The following BPGM variants were observed in gnomAD, a reference collection of about 807,000 sequenced individuals.
The protein encoded by BPGM is 2,3-bisphosphoglycerate mutase, erythrocyte.
A neutral mutation model predicts 21.6 loss-of-function variants in BPGM; 15 were observed. The ratio of observed to expected loss-of-function variants is 0.70; its 90% CI spans 0.47 to 1.07. The LOEUF (loss-of-function observed/expected upper bound fraction) is 1.07, where lower values mean the gene tolerates loss of function less well. BPGM is among the 50% of genes least tolerant of loss of function. BPGM has a pLI of 0.00. For missense variants in BPGM, 273 were observed against 319.0 expected, an observed-to-expected ratio of 0.86 and a Z score of 1.10; for synonymous variants, 113 against 116.2, an observed-to-expected ratio of 0.97 and a Z score of 0.18.
At chr7:134,648,132 G>GTTTTTTTTTTTTTTTTT (rs1037270275) in intron 1 of BPGM, among the ~76,000 whole-genome samples, 1 of 144,192 alleles carries the variant, frequency 6.9e-6, no homozygotes, top group East Asian at 2.0e-4. Context: ...TTTTGTTTTG[G>GTTTTTTTTTTTTTTTTT]TTTTTTTTTT....
chr7:134,648,104 T>C (rs1648662452), intron 1 of BPGM, among the ~76,000 whole-genome samples: 2 of 147,972 alleles, frequency 1.4e-5, no homozygotes, highest in African/African-American at 5.0e-5. Context: ...GGCCTTGTCT[T>C]TTTTCTTTCT....
chr7:134,676,773 C>G (rs769417372), intron 2 of BPGM, among the ~76,000 whole-genome samples: 1 of 152,166 alleles, frequency 6.6e-6, no homozygotes, highest in Non-Finnish European at 1.5e-5. Context: ...GTTTGGAGAC[C>G]TCCAGAGCTT....
chr7:134,667,532 C>T (rs1795838739), intron 2 of BPGM, among the ~76,000 whole-genome samples: 1 of 152,042 alleles, frequency 6.6e-6, no homozygotes, highest in South Asian at 2.1e-4. Context: ...ATAGTGAGAC[C>T]CCATTTTAGA....
rs930581931 is a variant in BPGM, at chr7:134,646,920, C to CTGCTGCTGCTGG, written c.-77_-76insCTGCTGCTGGTG. On this transcript the variant is annotated 5_prime_UTR_variant, in exon 1 of 3. Coordinates refer to ENST00000344924, the MANE Select transcript of BPGM (RefSeq NM_001724.5). ...GCGGCTGCTGCTGCTGCTGCTGCTG[C>CTGCTGCTGCTGG]TGGTGGCCCCTTTGCAGGTGAGTGG... 10 of 187,030 alleles carry CTGCTGCTGCTGG rather than the reference C, an allele frequency of 5.3e-5. No homozygotes were observed. Among genetic ancestry groups the CTGCTGCTGCTGG allele is most frequent in the African/African-American group, 2.4e-4 (10 of 42,266 alleles). The allele number at this position is 187,030 out of a possible 1,614,324, so 11.6% of individuals were successfully genotyped here.
rs187396662 is a variant in BPGM at position 134,655,824 on chromosome 7, G to A, written c.-61-5623G>A. Among the ~76,000 whole-genome samples the A allele has an allele frequency of 4.0e-4, 61 of 152,308 alleles. 1 individual carries two copies. Among genetic ancestry groups the A allele is most frequent in the Admixed American group, 4.0e-3 (61 of 15,300 alleles). ...TACACCTACTGAGTGCCTCATATGT[G>A]CCAAGCGATGTGCTAGGTTCTAGAG... On this transcript the variant is annotated intron_variant, in intron 1 of 2. Coordinates refer to ENST00000344924, the MANE Select transcript of BPGM (RefSeq NM_001724.5).
At chr7:134,653,021 C>T (rs1795580687) in intron 1 of BPGM, among the ~76,000 whole-genome samples, 1 of 152,134 alleles carries the variant, frequency 6.6e-6, no homozygotes, top group Admixed American at 6.5e-5. Flanking sequence ...CATATGTCTA[C>T]TACCTGTTTT....
At chr7:134,656,575 G>A (rs1310600161) in intron 1 of BPGM, among the ~76,000 whole-genome samples, 1 of 152,128 alleles carries the variant, frequency 6.6e-6, no homozygotes, top group East Asian at 1.9e-4. Flanking sequence ...TTCTTCACAT[G>A]GTGGCAGCAA....
At chr7:134,662,794 C>T (rs1478364077) in intron 2 of BPGM, among the ~76,000 whole-genome samples, 1 of 152,044 alleles carries the variant, frequency 6.6e-6, no homozygotes, top group African/African-American at 2.4e-5. Flanking sequence ...TGGAAATCAG[C>T]AGCAGCCATA....
chr7:134,653,330 C>T (rs930102723), intron 1 of BPGM, among the ~76,000 whole-genome samples: 7 of 152,282 alleles, frequency 4.6e-5, no homozygotes, highest in South Asian at 2.1e-4. Context: ...GTGTCTTTCA[C>T]GTTTATCTCC....
intron 1 of BPGM, among the ~76,000 whole-genome samples, chr7:134,659,696 G>C (rs1795700069): frequency 6.6e-6 from 1 of 152,080 alleles, no homozygotes; most frequent in African/African-American, 2.4e-5. Flanking sequence ...ACAGCAACCT[G>C]GTACTTAACA....
intron 2 of BPGM, among the ~76,000 whole-genome samples, chr7:134,671,345 T>G (rs1414699137): frequency 6.6e-6 from 1 of 151,588 alleles, no homozygotes. Flanking sequence ...TTTAGGATTT[T>G]TAAATTAACA....
rs1339755505 is a variant in BPGM, at chr7:134,661,884, T to C, written c.377T>C (p.Ile126Thr). 3.1e-6 allele frequency: 5 copies of C among 1,608,886 alleles called. No homozygotes were observed. In the African/African-American group the frequency reaches 5.4e-5, roughly 17 times the overall value. The change falls in exon 2 of 3, where the codon ATT becomes ACT. Residue 126 changes from isoleucine (I) to threonine (T), a missense_variant. By Grantham distance (89) the Ile-to-Thr change is moderately conservative. Coordinates refer to ENST00000344924, the MANE Select transcript of BPGM (RefSeq NM_001724.5). This position sits in a 1 kb window ranked among gnomAD's most constrained non-coding sequence, Gnocchi z 4.6. Reference protein sequence around the residue: ...RRSYNVTPPPIEESHPYYQEI... With the variant: ...RRSYNVTPPPTEESHPYYQEI... ...AGCTACAATGTAACCCCGCCTCCCATTGAGGAGTCTCATCCTTACTACCAA... is the reference window on the plus strand; with the variant it reads ...AGCTACAATGTAACCCCGCCTCCCACTGAGGAGTCTCATCCTTACTACCAA...
At chr7:134,671,188 T>C (rs552550563) in intron 2 of BPGM, among the ~76,000 whole-genome samples, 2 of 152,298 alleles carry the variant, frequency 1.3e-5, no homozygotes, top group East Asian at 3.9e-4. Context: ...CTAAATCAGG[T>C]CTTGTTCATG....
chr7:134,675,699 G>A (rs1180449159), intron 2 of BPGM, among the ~76,000 whole-genome samples: 1 of 151,960 alleles, frequency 6.6e-6, no homozygotes, highest in Non-Finnish European at 1.5e-5. Context: ...GATTGTTTTG[G>A]CTATTCTGAG....
intron 2 of BPGM, among the ~76,000 whole-genome samples, chr7:134,663,082 T>C (rs750860667): frequency 3.3e-5 from 5 of 152,228 alleles, no homozygotes; most frequent in Non-Finnish European, 5.9e-5. Context: ...AGCTTACTGG[T>C]AATAAATAGA....
chr7:134,678,828 G>A (rs1012406858), intron 2 of BPGM, 25 bp from the exon 3 acceptor site: 16 of 1,604,430 alleles, frequency 1.0e-5, no homozygotes, highest in Non-Finnish European at 1.4e-5. Context: ...TTTAACACCT[G>A]GTCTCTTCCT....
chr7:134,676,251 T>G (rs1364949730), intron 2 of BPGM, among the ~76,000 whole-genome samples: 1 of 152,228 alleles, frequency 6.6e-6, no homozygotes, highest in Non-Finnish European at 1.5e-5. Flanking sequence ...AATAAAGTCC[T>G]AGGTTCAAGA....
rs752422368 is a variant in BPGM, at chr7:134,661,557, A to G, written c.50A>G (p.Asn17Ser). 2.5e-6 allele frequency: 4 copies of G among 1,614,224 alleles called. No homozygotes were observed. The East Asian group carries it at 6.7e-5, about 27-fold the overall frequency. Residue 17 changes from asparagine (N) to serine (S), a missense_variant, in exon 2 of 3, where the codon AAT becomes AGT. Coordinates refer to ENST00000344924, the MANE Select transcript of BPGM (RefSeq NM_001724.5). This position sits in a 1 kb window ranked among gnomAD's most constrained non-coding sequence, Gnocchi z 4.6. ...IMLRHGEGAWNKENRFCSWVD... is the reference protein window; with the variant it reads ...IMLRHGEGAWSKENRFCSWVD... ...TTAAGACATGGAGAGGGTGCTTGGA[A>G]TAAGGAGAACCGTTTTTGTAGCTGG...
At position 134,673,019 on chromosome 7, in the gene BPGM, A is replaced by G. The variant is rs570777698; in HGVS notation, c.602-5834A>G. On this transcript the variant is annotated intron_variant, in intron 2 of 2. Coordinates refer to ENST00000344924, the MANE Select transcript of BPGM (RefSeq NM_001724.5). ...GAAACCCCATCTCTACTAAAAATAC[A>G]AAAAAGTAGCCGGGTGTGGTGGCGG... Among the ~76,000 whole-genome samples the G allele has an allele frequency of 1.4e-3, 216 of 152,140 alleles. 5 individuals carry two copies. The South Asian group carries it at 0.042, about 30-fold the overall frequency.
Sources: allele counts gnomAD v4.1 joint callset (sites outside exome capture counted in the v4.1 genomes callset), GRCh38; gene constraint gnomAD v4.1.1; non-coding constraint Gnocchi (gnomAD v3.1); transcripts MANE v1.5; gene names NCBI Gene and HGNC (gene_info 2026-07-23, HGNC 2026-07-21).